The following ITGB8 variants were observed in gnomAD, a reference collection of about 807,000 sequenced individuals.
ITGB8 encodes integrin subunit beta 8.
A neutral mutation model predicts 89.5 loss-of-function variants in ITGB8; 30 were observed. The observed-to-expected ratio is 0.34, with a 90% CI of 0.25 to 0.45. The LOEUF is 0.45. Ranked by LOEUF, ITGB8 falls within the 20% of genes least tolerant of loss-of-function variation. The pLI is 1.00. For missense variants in ITGB8, 836 were observed against 933.3 expected (o/e 0.90, Z 1.36); for synonymous variants, 335 against 320.4 (o/e 1.05, Z -0.49).
chr7:20,346,667 G>A, intron 1 of ITGB8: 1 of 984,354 alleles, frequency 1.0e-6, no homozygotes, highest in South Asian at 4.7e-5. Context: ...CCCGTTTCCT[G>A]CCAAAAGCAA....
At chr7:20,332,763 T>G (rs1233491909) in intron 1 of ITGB8, among the ~76,000 whole-genome samples, 1 of 152,230 alleles carries the variant, frequency 6.6e-6, no homozygotes, top group Non-Finnish European at 1.5e-5. Flanking sequence ...ACTTTTGATT[T>G]ATGAAACAAA....
chr7:20,392,275 A>G (rs547457401), intron 7 of ITGB8, among the ~76,000 whole-genome samples: 1 of 152,066 alleles, frequency 6.6e-6, no homozygotes, highest in East Asian at 1.9e-4. Context: ...CTCCTTTGCT[A>G]TCTTTGTTTC....
chr7:20,341,730 C>T (rs1346166000), intron 1 of ITGB8, among the ~76,000 whole-genome samples: 2 of 152,110 alleles, frequency 1.3e-5, no homozygotes, highest in Admixed American at 6.5e-5. Context: ...CAGTTGGCTA[C>T]TTGGGGGTCA....
intron 11 of ITGB8, among the ~76,000 whole-genome samples, chr7:20,405,329 T>TATA (rs200839863): frequency 2.3e-4 from 33 of 142,488 alleles, no homozygotes; most frequent in Admixed American, 2.3e-3. Context: ...ATATATATAT[T>TATA]TTTTTTTTGT....
At chr7:20,366,434 G>C (rs972984417) in intron 2 of ITGB8, 2 of 152,102 alleles carry the variant, frequency 1.3e-5, no homozygotes, top group African/African-American at 2.4e-5. Context: ...TATATCCCCA[G>C]AATACTATAT....
Position 20,363,657 on chromosome 7 carries a change from T to C in ITGB8, c.148T>C (p.Ser50Pro). 1.2e-6 allele frequency: 2 copies of C among 1,601,672 alleles called. No individual in the cohort carries two copies. The highest frequency in any genetic ancestry group is 2.3e-5 in the South Asian group (2 of 88,422). ...TGCAGAAGACAATAGATGTGCATCT[T>C]CAAATGCAGCATCCTGTGCCAGGTG... Reference protein sequence around the residue: ...GQGEDNRCASSNAASCARCLA... With the variant: ...GQGEDNRCASPNAASCARCLA... Residue 50 changes from serine to proline, a missense_variant, in exon 2 of 14, where the codon TCA (serine) becomes CCA (proline). Coordinates refer to ENST00000222573, the MANE Select transcript of ITGB8 (RefSeq NM_002214.3).
intron 3 of ITGB8, among the ~76,000 whole-genome samples, chr7:20,370,919 T>G (rs1222814804): frequency 6.6e-6 from 1 of 152,200 alleles, no homozygotes; most frequent in African/African-American, 2.4e-5. Context: ...CGGCCTAAAC[T>G]CTTACATCAC....
chr7:20,384,696 G>A (rs756420745), intron 6 of ITGB8, among the ~76,000 whole-genome samples: 52 of 152,136 alleles, frequency 3.4e-4, no homozygotes, highest in African/African-American at 1.0e-3. Context: ...ACAGTCTGTC[G>A]ACTGAAATGC....
rs576311009 is a variant in ITGB8, at chr7:20,393,355, G to A, written c.1057-1541G>A. On this transcript the variant is annotated intron_variant, in intron 7 of 13. Transcript: ENST00000222573. ...CTGGCTCCAAAGCCTGGGAAGCTCCGGTGTGAGCCCCATGCATGCCCCTGT... is the reference window on the plus strand; with the variant it reads ...CTGGCTCCAAAGCCTGGGAAGCTCCAGTGTGAGCCCCATGCATGCCCCTGT... 5.3e-5 allele frequency among the ~76,000 whole-genome samples: 8 copies of A among 152,274 alleles called. No individual in the cohort carries two copies. In the South Asian group the frequency reaches 6.2e-4, roughly 12 times the overall value.
chr7:20,379,922 C>G (rs1786308420), intron 4 of ITGB8: 1 of 152,198 alleles, frequency 6.6e-6, no homozygotes, highest in Non-Finnish European at 1.5e-5. Flanking sequence ...ATACAAGTGT[C>G]TCACACAATA....
At chr7:20,378,285 T>C (rs960224189) in intron 3 of ITGB8, among the ~76,000 whole-genome samples, 4 of 152,214 alleles carry the variant, frequency 2.6e-5, no homozygotes, top group African/African-American at 9.6e-5. Flanking sequence ...TCCAGTTGTT[T>C]TGCCCAAGGT....
intron 6 of ITGB8, among the ~76,000 whole-genome samples, chr7:20,389,002 T>G (rs1423819194): frequency 6.6e-6 from 1 of 152,218 alleles, no homozygotes; most frequent in African/African-American, 2.4e-5. Context: ...TATTCCGTGG[T>G]GTATATGTGC....
In ITGB8 at chr7:20,363,575, C is replaced by G. The variant is rs538183972; in HGVS notation, c.128-62C>G. On this transcript the variant is annotated intron_variant, in intron 1 of 13. Coordinates refer to ENST00000222573, the MANE Select transcript of ITGB8 (RefSeq NM_002214.3). ...AATTGTTCATTTGTTTCATTTTAGT[C>G]TAGAATTATATACGCTTTCTATTTT... 6 of 986,486 alleles carry G rather than the reference C, an allele frequency of 6.1e-6. No individual in the cohort carries two copies. In the South Asian group the frequency reaches 1.1e-4, roughly 18 times the overall value. 61.1% of individuals were successfully genotyped at this position (986,486 alleles called of 1,614,324 possible). A position where few individuals can be genotyped will look rare whatever the true frequency, so the allele number is the denominator to read the frequency against.
intron 1 of ITGB8, among the ~76,000 whole-genome samples, chr7:20,356,697 C>G (rs1785306746): frequency 6.6e-6 from 1 of 152,142 alleles, no homozygotes; most frequent in African/African-American, 2.4e-5. Context: ...GTACTACAGT[C>G]TTTGTCAGTT....
In ITGB8 at chr7:20,366,992, A is replaced by G. The variant is rs1417851045; in HGVS notation, c.214-20A>G. ...TTGATATACACTAAAAACATCAGTGATTTTCTTTCTTTTAAACAGGATTTC... is the reference window on the plus strand; with the variant it reads ...TTGATATACACTAAAAACATCAGTGGTTTTCTTTCTTTTAAACAGGATTTC... On this transcript the variant is annotated intron_variant, in intron 2 of 13. Transcript: ENST00000222573. 1.3e-6 allele frequency: 2 copies of G among 1,579,916 alleles called. No individual in the cohort carries two copies. The highest frequency in any genetic ancestry group is 2.7e-5 in the African/African-American group (2 of 73,350).
intron 1 of ITGB8, among the ~76,000 whole-genome samples, chr7:20,349,096 T>C (rs1785025530): frequency 6.6e-6 from 1 of 152,150 alleles, no homozygotes; most frequent in Non-Finnish European, 1.5e-5. Context: ...AATTATAAGA[T>C]ATTAAAGTAT....
chr7:20,370,809 T>TC (rs1418110348), intron 3 of ITGB8, among the ~76,000 whole-genome samples: 1 of 152,070 alleles, frequency 6.6e-6, no homozygotes, highest in African/African-American at 2.4e-5. Flanking sequence ...AGACAGGGTT[T>TC]CACCATGTTG....
intron 9 of ITGB8, 165 bp downstream of exon 9, chr7:20,399,159 GT>G: frequency 1.5e-6 from 1 of 656,864 alleles, no homozygotes; most frequent in Non-Finnish European, 2.5e-6. Flanking sequence ...GTTCCTACTT[GT>G]TTTAGCTCAG....
In ITGB8 at chr7:20,413,162, A is replaced by G. The variant is rs1336060542; in HGVS notation, c.*3165A>G. On this transcript the variant is annotated 3_prime_UTR_variant, in exon 14 of 14. Transcript: ENST00000222573. Reference sequence around the variant, plus strand: ...CTTGCTAATATTTATTAAGTCATAGACTTTTCTGGAGGACTTAAAAATTCA... The same window carrying G: ...CTTGCTAATATTTATTAAGTCATAGGCTTTTCTGGAGGACTTAAAAATTCA... 6.6e-6 allele frequency: 1 copy of G among 152,080 alleles called. No homozygotes were observed. Among genetic ancestry groups the G allele is most frequent in the East Asian group, 1.9e-4 (1 of 5,198 alleles). 9.4% of individuals were successfully genotyped at this position (152,080 alleles called of 1,614,324 possible). A position where few individuals can be genotyped will look rare whatever the true frequency, so the allele number is the denominator to read the frequency against.
Sources: gnomAD v4.1 joint callset for allele counts (sites outside exome capture counted in the v4.1 genomes callset) on GRCh38, gnomAD v4.1.1 for gene constraint, MANE v1.5 for transcripts, NCBI Gene and HGNC (gene_info 2026-07-23, HGNC 2026-07-21) for gene names.